Variants in FBXW2 observed in about 807,000 individuals in gnomAD.
The protein encoded by FBXW2 is F-box and WD repeat domain containing 2, also known as F-box/WD repeat-containing protein 2.
In FBXW2, 12 loss-of-function variants were observed where a neutral mutation model predicts 46.0. The ratio of observed to expected loss-of-function variants is 0.26; its 90% CI spans 0.17 to 0.42. The LOEUF (loss-of-function observed/expected upper bound fraction) is 0.42, where lower values mean the gene tolerates loss of function less well. Ranked by LOEUF, FBXW2 falls within the 10% of genes least tolerant of loss-of-function variation. FBXW2 has a pLI of 1.00. For missense variants in FBXW2, 360 were observed against 537.0 expected (o/e 0.67, Z 3.26); for synonymous variants, 203 against 209.6 (o/e 0.97, Z 0.27).
Position 120,771,386 on chromosome 9 carries a change from A to G in FBXW2, c.1038T>C (p.Gly346=). Residue 346 remains glycine, a synonymous_variant, in exon 7 of 8, where the codon GGT becomes GGC. Transcript: ENST00000608872. ...GKYIVCSSAL[G]LYQWDFASYD... ...AACTGGCAAAGTCCCACTGGTAGAG[A>G]CCAAGTGCTGAACTACAGACAATGT... 6.2e-7 allele frequency: 1 copy of G among 1,614,056 alleles called. No homozygotes were observed.
At chr9:120,782,137 A>ACTTATATTAGGTT (rs2044629063) in intron 3 of FBXW2, among the ~76,000 whole-genome samples, 1 of 152,002 alleles carries the variant, frequency 6.6e-6, no homozygotes. Flanking sequence ...GTATGATTCC[A>ACTTATATTAGGTT]CTTATATTAG....
At chr9:120,771,673 T>A (rs2044377619) in intron 6 of FBXW2, among the ~76,000 whole-genome samples, 156 bp from the exon 7 acceptor site, 1 of 152,244 alleles carries the variant, frequency 6.6e-6, no homozygotes, top group Non-Finnish European at 1.5e-5. Context: ...CAAGTCTTAA[T>A]TCTCCTGTGC....
chr9:120,777,345 CGT>C (rs1465335475), intron 4 of FBXW2, among the ~76,000 whole-genome samples: 2 of 152,290 alleles, frequency 1.3e-5, no homozygotes, highest in Non-Finnish European at 2.9e-5. Context: ...GCAAAAAATA[CGT>C]GTTTTTATTA....
rs1305919585 is a variant in FBXW2, at chr9:120,762,728, AC to A, written c.*1830del. ...AGCTCTGCCAGCAACCCTTTTTCTC[AC>A]CTGTAAAATGGATATGCTTTATACT... On this transcript the variant is annotated 3_prime_UTR_variant, in exon 8 of 8. Transcript: ENST00000608872. The A allele has an allele frequency of 6.6e-6, 1 of 152,156 alleles. No individual in the cohort carries two copies. Among genetic ancestry groups the A allele is most frequent in the Non-Finnish European group, 1.5e-5 (1 of 68,030 alleles). 9.4% of individuals were successfully genotyped at this position (152,156 alleles called of 1,614,324 possible).
At position 120,771,327 on chromosome 9, in the gene FBXW2, T is replaced by C. The variant is rs772195392; in HGVS notation, c.1076+21A>G. On this transcript the variant is annotated intron_variant, in intron 7 of 7. Coordinates refer to ENST00000608872, the MANE Select transcript of FBXW2 (RefSeq NM_012164.4). ...GCAGCAGGCTTTCAAAGGTAAAGCGTGAGGTCGAAGGAAACATTACCTGAG... is the reference window on the plus strand; with the variant it reads ...GCAGCAGGCTTTCAAAGGTAAAGCGCGAGGTCGAAGGAAACATTACCTGAG... The C allele has an allele frequency of 1.3e-5, 20 of 1,595,972 alleles. No homozygotes were observed. The African/African-American group carries it at 2.6e-4, about 20-fold the overall frequency.
Position 120,775,739 on chromosome 9 carries a change from A to G in FBXW2, c.819+354T>C, listed in dbSNP as rs529923451. On this transcript the variant is annotated intron_variant, in intron 5 of 7. Transcript: ENST00000608872. ...AAAGAAACATGTTTATTCTAAAGGG[A>G]AAAACACGCCCACAATCCCACCAGA... 2.1e-3 allele frequency among the ~76,000 whole-genome samples: 319 copies of G among 152,320 alleles called. 2 individuals carry two copies. The highest frequency in any genetic ancestry group is 7.3e-3 in the African/African-American group (304 of 41,576).
intron 3 of FBXW2, 117 bp from the exon 4 acceptor site, chr9:120,778,662 C>T: frequency 2.4e-6 from 2 of 843,302 alleles, no homozygotes; most frequent in African/African-American, 1.7e-5. Flanking sequence ...TAGCACTTTA[C>T]TTTACCACTG....
At chr9:120,781,671 C>T (rs200846742) in intron 3 of FBXW2, among the ~76,000 whole-genome samples, 4,413 of 148,272 alleles carry the variant, frequency 0.03, 96 homozygotes, top group Non-Finnish European at 0.045. Context: ...CACACACACA[C>T]ACACATACAC....
At chr9:120,769,504 A>AG (rs2044332784) in intron 7 of FBXW2, among the ~76,000 whole-genome samples, 1 of 152,258 alleles carries the variant, frequency 6.6e-6, no homozygotes, top group Admixed American at 6.5e-5. Flanking sequence ...AACCCTTTAG[A>AG]GATGCTAAGC....
rs2044142982 is a variant in FBXW2 at position 120,757,281 on chromosome 9, G to T, written c.*7278C>A. 1 of 152,186 alleles carries T rather than the reference G, an allele frequency of 6.6e-6. No individual in the cohort carries two copies. Among genetic ancestry groups the T allele is most frequent in the Non-Finnish European group, 1.5e-5 (1 of 68,036 alleles). The allele number at this position is 152,186 out of a possible 1,614,324, so 9.4% of individuals were successfully genotyped here. A position where few individuals can be genotyped will look rare whatever the true frequency, so the allele number is the denominator to read the frequency against. On this transcript the variant is annotated 3_prime_UTR_variant, in exon 8 of 8. Coordinates refer to ENST00000608872, the MANE Select transcript of FBXW2 (RefSeq NM_012164.4). ...ATGTTCTTTCTTGACTCGGGCAGTG[G>T]TTAGACAAGTGTTCACTTCATAACT... is the stretch of plus-strand genomic sequence containing the variant.
Position 120,760,059 on chromosome 9 carries a change from T to G in FBXW2, c.*4500A>C, listed in dbSNP as rs1340771971. The G allele has an allele frequency of 6.6e-6, 1 of 152,260 alleles. No individual in the cohort carries two copies. The highest frequency in any genetic ancestry group is 6.5e-5 in the Admixed American group (1 of 15,282). 9.4% of individuals were successfully genotyped at this position (152,260 alleles called of 1,614,324 possible). ...TTGTGTCAAAAAAGTGAATCTGTTC[T>G]TTTCATCAGACATTCTGAGGACAGC... is the stretch of plus-strand genomic sequence containing the variant. On this transcript the variant is annotated 3_prime_UTR_variant, in exon 8 of 8. Transcript: ENST00000608872.
At position 120,764,689 on chromosome 9, in the gene FBXW2, C is replaced by A. The variant is rs1345544632; in HGVS notation, c.1235G>T (p.Gly412Val). The change falls in exon 8 of 8, where the codon GGC becomes GTC. Residue 412 changes from glycine (G) to valine (V), a missense_variant. Physicochemically the swap from Gly to Val is moderately radical, Grantham distance 109. Coordinates refer to ENST00000608872, the MANE Select transcript of FBXW2 (RefSeq NM_012164.4). ...PLPEYRKSKR[G>V]SSFLAGEASW... ...TGCTTCGCCTGCCAGGAAGCTTGAG[C>A]CTCTCTTTGATTTCCTGTACTCTGG... is the stretch of plus-strand genomic sequence containing the variant. 6.2e-7 allele frequency: 1 copy of A among 1,614,212 alleles called. No individual in the cohort carries two copies. The highest frequency in any genetic ancestry group is 2.2e-5 in the East Asian group (1 of 44,876).
chr9:120,774,961 G>C (rs1434379518), intron 5 of FBXW2, among the ~76,000 whole-genome samples: 2 of 152,036 alleles, frequency 1.3e-5, no homozygotes, highest in Admixed American at 1.3e-4. Context: ...TGCACCCTCT[G>C]AAACAATCTT....
chr9:120,774,445 A>G (rs1470821907), intron 5 of FBXW2, among the ~76,000 whole-genome samples: 1 of 152,052 alleles, frequency 6.6e-6, no homozygotes, highest in African/African-American at 2.4e-5. Context: ...CTGGGGATTC[A>G]AAGTTGCAGA....
At position 120,764,367 on chromosome 9, in the gene FBXW2, T is replaced by C; in HGVS notation, c.*192A>G. 1.7e-6 allele frequency: 1 copy of C among 597,368 alleles called. No individual in the cohort carries two copies. Among genetic ancestry groups the C allele is most frequent in the South Asian group, 2.2e-5 (1 of 46,368 alleles). 37.0% of individuals were successfully genotyped at this position (597,368 alleles called of 1,614,324 possible). A position where few individuals can be genotyped will look rare whatever the true frequency, so the allele number is the denominator to read the frequency against. On this transcript the variant is annotated 3_prime_UTR_variant, in exon 8 of 8. Coordinates refer to ENST00000608872, the MANE Select transcript of FBXW2 (RefSeq NM_012164.4). ...GGTGTACCCCATTAGCATGCTGCGT[T>C]GTATGTCAATAAAACAAGCCCTCCC...
At chr9:120,774,370 A>C (rs2044447236) in intron 5 of FBXW2, among the ~76,000 whole-genome samples, 1 of 149,264 alleles carries the variant, frequency 6.7e-6, no homozygotes, top group Admixed American at 6.7e-5. Flanking sequence ...AAATTAGCTC[A>C]GTGTGGTGGC....
intron 6 of FBXW2, 57 bp from the exon 7 acceptor site, chr9:120,771,574 G>T: frequency 6.0e-6 from 9 of 1,488,146 alleles, no homozygotes; most frequent in Non-Finnish European, 8.2e-6. Context: ...AGAAAAGCTT[G>T]TCCTTAAAAT....
chr9:120,790,848 C>A (rs2044824148), intron 2 of FBXW2, among the ~76,000 whole-genome samples: 1 of 152,126 alleles, frequency 6.6e-6, no homozygotes, highest in African/African-American at 2.4e-5. Context: ...AATTAATGTG[C>A]CCATGACACC....
At chr9:120,786,012 C>G (rs539017359) in intron 3 of FBXW2, among the ~76,000 whole-genome samples, 9 of 114,348 alleles carry the variant, frequency 7.9e-5, no homozygotes, top group African/African-American at 1.1e-4. Flanking sequence ...GAGTGAGACT[C>G]CATCTCAAAA....
Sources: allele counts gnomAD v4.1 joint callset (sites outside exome capture counted in the v4.1 genomes callset), GRCh38; gene constraint gnomAD v4.1.1; transcripts MANE v1.5; gene names NCBI Gene and HGNC (gene_info 2026-07-23, HGNC 2026-07-21).